PTPRD: variants seen among roughly 807,000 people sequenced by gnomAD.
PTPRD encodes receptor-type tyrosine-protein phosphatase delta.
In PTPRD, 34 loss-of-function variants were observed where a neutral mutation model predicts 214.5. That is an observed-to-expected ratio of 0.16 (90% CI 0.12 to 0.21). PTPRD has a LOEUF of 0.21. Ranked by LOEUF, PTPRD falls within the 10% of genes least tolerant of loss-of-function variation. The probability of loss-of-function intolerance (pLI) is 1.00; values close to 1 mark genes in which losing one functional copy is unlikely to be tolerated. For missense variants in PTPRD, 2,545 were observed against 2,398.7 expected, an observed-to-expected ratio of 1.06 and a Z score of -1.27; for synonymous variants, 1,128 against 845.7, an observed-to-expected ratio of 1.33 and a Z score of -5.79.
intron 9 of PTPRD, among the ~76,000 whole-genome samples, chr9:9,258,995 G>T (rs926263614): frequency 6.6e-6 from 1 of 151,668 alleles, no homozygotes; most frequent in Non-Finnish European, 1.5e-5. Context: ...TTCTTGTGGT[G>T]GGTAGGAAAA....
intron 2 of PTPRD, among the ~76,000 whole-genome samples, chr9:10,352,278 A>G (rs2097196339): frequency 1.3e-5 from 2 of 152,170 alleles, no homozygotes; most frequent in Admixed American, 1.3e-4. Context: ...AATTATACAA[A>G]CACTCCTGCT....
intron 11 of PTPRD, among the ~76,000 whole-genome samples, chr9:8,859,574 G>A (rs1390798056): frequency 6.6e-6 from 1 of 152,040 alleles, no homozygotes; most frequent in Non-Finnish European, 1.5e-5. Flanking sequence ...TGCAGACTCC[G>A]GGCTGTCTTT....
At chr9:8,437,121 A>G in intron 34 of PTPRD, 2 of 1,011,548 alleles carry the variant, frequency 2.0e-6, no homozygotes, top group Non-Finnish European at 2.9e-6. Context: ...ACAGACACTG[A>G]GAAAGGCCTA....
At chr9:10,073,552 A>G (rs2098074813) in intron 3 of PTPRD, among the ~76,000 whole-genome samples, 1 of 152,142 alleles carries the variant, frequency 6.6e-6, no homozygotes, top group Non-Finnish European at 1.5e-5. Context: ...ATAAAAGAGA[A>G]AGAAATATTT....
At chr9:10,279,360 A>G (rs1253263837) in intron 3 of PTPRD, among the ~76,000 whole-genome samples, 1 of 152,280 alleles carries the variant, frequency 6.6e-6, no homozygotes, top group East Asian at 1.9e-4. Flanking sequence ...TAGGAAACAG[A>G]ACAGAAATGC....
chr9:8,830,548 A>G (rs113008591), intron 11 of PTPRD, among the ~76,000 whole-genome samples: 25 of 152,204 alleles, frequency 1.6e-4, no homozygotes, highest in Non-Finnish European at 3.5e-4. Context: ...GTGCTCTGTG[A>G]CCAAACAGAA....
chr9:8,996,219 T>G (rs2099396049), intron 11 of PTPRD, among the ~76,000 whole-genome samples: 1 of 152,018 alleles, frequency 6.6e-6, no homozygotes, highest in African/African-American at 2.4e-5. Flanking sequence ...CAATCCAAAA[T>G]TCCTTCAACT....
chr9:8,796,396 G>C (rs1055894863), intron 11 of PTPRD, among the ~76,000 whole-genome samples: 2 of 152,102 alleles, frequency 1.3e-5, no homozygotes, highest in Admixed American at 6.5e-5. Flanking sequence ...TTCTTCAGTA[G>C]GCTGACACTG....
intron 14 of PTPRD, among the ~76,000 whole-genome samples, chr9:8,576,245 T>C (rs2092342292): frequency 6.6e-6 from 1 of 152,148 alleles, no homozygotes; most frequent in Non-Finnish European, 1.5e-5. Context: ...TAAAAAATAA[T>C]GTCAATACCT....
At chr9:9,454,868 T>C (rs539518086) in intron 8 of PTPRD, among the ~76,000 whole-genome samples, 32 of 151,402 alleles carry the variant, frequency 2.1e-4, no homozygotes, top group African/African-American at 7.5e-4. Flanking sequence ...TATATATACA[T>C]ATTATGCATG....
At chr9:8,365,700 TG>T (rs1413839600) in intron 39 of PTPRD, among the ~76,000 whole-genome samples, 2 of 152,032 alleles carry the variant, frequency 1.3e-5, no homozygotes, top group Admixed American at 6.6e-5. Flanking sequence ...GAATCTGGAA[TG>T]GCCCCTGACT....
At chr9:8,456,499 A>G (rs144399423) in intron 33 of PTPRD, among the ~76,000 whole-genome samples, 1 of 152,308 alleles carries the variant, frequency 6.6e-6, no homozygotes, top group African/African-American at 2.4e-5. Context: ...CCTACTCAGA[A>G]GCCAGAAAGC....
chr9:9,498,265 G>A (rs1311453690), intron 8 of PTPRD, among the ~76,000 whole-genome samples: 1 of 152,094 alleles, frequency 6.6e-6, no homozygotes, highest in African/African-American at 2.4e-5. Context: ...GTTCCCTCTT[G>A]TATTACGCAG....
intron 10 of PTPRD, among the ~76,000 whole-genome samples, chr9:9,103,939 T>C (rs2099794913): frequency 6.6e-6 from 1 of 152,108 alleles, no homozygotes; most frequent in South Asian, 2.1e-4. Flanking sequence ...GCCAAGATGT[T>C]GCCACTGCAC....
At chr9:8,990,684 G>A (rs1183419405) in intron 11 of PTPRD, among the ~76,000 whole-genome samples, 4 of 152,096 alleles carry the variant, frequency 2.6e-5, no homozygotes, top group Non-Finnish European at 5.9e-5. Context: ...TTCTGTGTAG[G>A]AGATGGCCAT....
intron 11 of PTPRD, among the ~76,000 whole-genome samples, chr9:8,871,776 CAAT>C (rs57914599): frequency 6.6e-6 from 1 of 151,582 alleles, no homozygotes; most frequent in East Asian, 2.0e-4. Flanking sequence ...CTTGGTACAG[CAAT>C]AATAATAATA....
At chr9:9,482,681 C>G (rs1444350026) in intron 8 of PTPRD, among the ~76,000 whole-genome samples, 1 of 152,120 alleles carries the variant, frequency 6.6e-6, no homozygotes. Context: ...GTTCTAAGCA[C>G]AACTTAAATA....
At chr9:10,246,296 T>A (rs1181933262) in intron 3 of PTPRD, among the ~76,000 whole-genome samples, 5 of 152,154 alleles carry the variant, frequency 3.3e-5, no homozygotes, top group African/African-American at 4.8e-5. Flanking sequence ...CCGGCTGGAG[T>A]GCAATAGCTC....
chr9:8,443,587 C>T (rs1251500259), intron 34 of PTPRD, among the ~76,000 whole-genome samples: 1 of 152,182 alleles, frequency 6.6e-6, no homozygotes, highest in African/African-American at 2.4e-5. Context: ...AAAATGAGGT[C>T]TTTGTGTTGT....
Sources: gnomAD v4.1 joint callset for allele counts (sites outside exome capture counted in the v4.1 genomes callset) on GRCh38, gnomAD v4.1.1 for gene constraint, MANE v1.5 for transcripts, NCBI Gene and HGNC (gene_info 2026-07-23, HGNC 2026-07-21) for gene names.